Variants in MAN1A2 observed in about 807,000 individuals in gnomAD.
MAN1A2 encodes mannosidase alpha class 1A member 2, also known as mannosyl-oligosaccharide 1,2-alpha-mannosidase IB.
Under a neutral mutation model 75.7 loss-of-function variants are expected in MAN1A2, and 26 were observed. That is an observed-to-expected ratio of 0.34 (90% CI 0.25 to 0.48). MAN1A2 has a LOEUF of 0.48. MAN1A2 is among the 20% of genes least tolerant of loss of function. The pLI is 0.99. For synonymous variants in MAN1A2, 247 were observed against 264.6 expected (o/e 0.93, Z 0.65); for missense variants, 562 against 775.5 (o/e 0.72, Z 3.27).
At chr1:117,467,296 T>C (rs1271100821) in intron 8 of MAN1A2, among the ~76,000 whole-genome samples, 1 of 152,114 alleles carries the variant, frequency 6.6e-6, no homozygotes, top group Admixed American at 6.6e-5. Flanking sequence ...AAGTAGTAAA[T>C]AAGAGACAAA....
chr1:117,416,631 G>A (rs1648001194), intron 4 of MAN1A2, among the ~76,000 whole-genome samples: 1 of 152,026 alleles, frequency 6.6e-6, no homozygotes, highest in Non-Finnish European at 1.5e-5. Context: ...CAACTAATGG[G>A]GAACCAAAAA....
intron 6 of MAN1A2, among the ~76,000 whole-genome samples, chr1:117,460,154 A>G (rs893390744): frequency 2.6e-5 from 4 of 152,170 alleles, no homozygotes; most frequent in African/African-American, 7.2e-5. Flanking sequence ...AAGGAGGACA[A>G]TGAGCATATA....
At chr1:117,473,828 C>T (rs1419436162) in intron 8 of MAN1A2, among the ~76,000 whole-genome samples, 2 of 151,990 alleles carry the variant, frequency 1.3e-5, no homozygotes, top group African/African-American at 4.8e-5. Context: ...ATTTCTTCCA[C>T]CGAGTGGTCC....
chr1:117,526,941 A>T lies in MAN1A2; in HGVS notation c.*3984A>T. 6.9e-6 allele frequency: 1 copy of T among 144,908 alleles called. No homozygotes were observed. Among genetic ancestry groups the T allele is most frequent in the African/African-American group, 2.5e-5 (1 of 39,896 alleles). 9.0% of individuals were successfully genotyped at this position (144,908 alleles called of 1,614,324 possible). On this transcript the variant is annotated 3_prime_UTR_variant, in exon 13 of 13. Transcript: ENST00000356554. ...TATATGAGATATATGAGAGATCAAGATCTATATATGTATATAAATACAATT... is the reference window on the plus strand; with the variant it reads ...TATATGAGATATATGAGAGATCAAGTTCTATATATGTATATAAATACAATT...
In MAN1A2 at chr1:117,526,946, T is replaced by G. The variant is rs1292886508; in HGVS notation, c.*3989T>G. 3.4e-5 allele frequency: 5 copies of G among 145,556 alleles called. No individual in the cohort carries two copies. The highest frequency in any genetic ancestry group is 7.6e-5 in the Non-Finnish European group (5 of 66,190). 9.0% of individuals were successfully genotyped at this position (145,556 alleles called of 1,614,324 possible). A position where few individuals can be genotyped will look rare whatever the true frequency, so the allele number is the denominator to read the frequency against. ...GAGATATATGAGAGATCAAGATCTA[T>G]ATATGTATATAAATACAATTATACA... is the stretch of plus-strand genomic sequence containing the variant. On this transcript the variant is annotated 3_prime_UTR_variant, in exon 13 of 13. Transcript: ENST00000356554.
At chr1:117,489,477 T>A (rs1260603318) in intron 8 of MAN1A2, among the ~76,000 whole-genome samples, 2 of 152,080 alleles carry the variant, frequency 1.3e-5, no homozygotes, top group South Asian at 2.1e-4. Flanking sequence ...TATAAATTGA[T>A]GTTTCTTTTT....
intron 4 of MAN1A2, among the ~76,000 whole-genome samples, chr1:117,417,404 T>G (rs1178740751): frequency 6.6e-6 from 1 of 151,362 alleles, no homozygotes; most frequent in South Asian, 2.1e-4. Flanking sequence ...TATATTATGA[T>G]CATACTTTTC....
At chr1:117,458,504 T>TAG (rs1557959058) in intron 6 of MAN1A2, among the ~76,000 whole-genome samples, 1 of 101,826 alleles carries the variant, frequency 9.8e-6, no homozygotes, top group African/African-American at 4.4e-5. Flanking sequence ...TATCTATATA[T>TAG]ATATATAGAT....
chr1:117,455,359 T>C (rs1570757439), intron 6 of MAN1A2, among the ~76,000 whole-genome samples: 1 of 152,074 alleles, frequency 6.6e-6, no homozygotes, highest in Non-Finnish European at 1.5e-5. Context: ...AGGAAGTGTG[T>C]GTGTTGATTG....
intron 5 of MAN1A2, among the ~76,000 whole-genome samples, chr1:117,441,634 T>C (rs993703048): frequency 2.0e-5 from 3 of 152,186 alleles, no homozygotes; most frequent in Admixed American, 6.5e-5. Flanking sequence ...GTAGAAATTT[T>C]ACTATCTATA....
At chr1:117,429,446 C>A (rs541770553) in intron 5 of MAN1A2, among the ~76,000 whole-genome samples, 1,274 of 122,768 alleles carry the variant, frequency 0.01, 21 homozygotes, top group Middle Eastern at 0.017. Flanking sequence ...ACCCCCCCCA[C>A]CTCCCTCCCG....
At chr1:117,434,777 G>A (rs1238839125) in intron 5 of MAN1A2, among the ~76,000 whole-genome samples, 1 of 148,594 alleles carries the variant, frequency 6.7e-6, no homozygotes, top group Non-Finnish European at 1.5e-5. Flanking sequence ...GTGTGTGTGT[G>A]TGTGTGTGTG....
At chr1:117,404,395 A>G (rs966699883) in intron 2 of MAN1A2, among the ~76,000 whole-genome samples, 1 of 152,210 alleles carries the variant, frequency 6.6e-6, no homozygotes, top group African/African-American at 2.4e-5. Context: ...TTGGGTTGTA[A>G]GACACTCAGC....
intron 1 of MAN1A2, among the ~76,000 whole-genome samples, chr1:117,387,444 C>T (rs1470958336): frequency 6.6e-6 from 1 of 152,178 alleles, no homozygotes; most frequent in Non-Finnish European, 1.5e-5. Flanking sequence ...GTGGTGCTGA[C>T]AGTATGTGGT....
At chr1:117,498,819 C>G (rs1199406643) in intron 10 of MAN1A2, among the ~76,000 whole-genome samples, 1 of 151,804 alleles carries the variant, frequency 6.6e-6, no homozygotes, top group African/African-American at 2.4e-5. Flanking sequence ...TTTCTTATAG[C>G]TGTGCTATAA....
chr1:117,413,148 C>T (rs1021994736), intron 3 of MAN1A2, among the ~76,000 whole-genome samples: 2 of 151,730 alleles, frequency 1.3e-5, no homozygotes, highest in Non-Finnish European at 2.9e-5. Flanking sequence ...AGCTGAGGAA[C>T]GTAACAACAC....
intron 7 of MAN1A2, among the ~76,000 whole-genome samples, chr1:117,461,344 A>C (rs931016416): frequency 6.6e-6 from 1 of 152,154 alleles, no homozygotes; most frequent in East Asian, 1.9e-4. Context: ...GTGGGAGCTA[A>C]AATAAATTGA....
At chr1:117,405,403 A>G (rs1647583299) in intron 2 of MAN1A2, 146 bp from the exon 3 acceptor site, 2 of 624,752 alleles carry the variant, frequency 3.2e-6, no homozygotes, top group African/African-American at 1.9e-5. Flanking sequence ...ATGTTTTCAT[A>G]CTGATACAAA....
At chr1:117,399,377 T>TC (rs1183380599) in intron 1 of MAN1A2, among the ~76,000 whole-genome samples, 1 of 152,236 alleles carries the variant, frequency 6.6e-6, no homozygotes, top group African/African-American at 2.4e-5. Flanking sequence ...AAGCTTGTTT[T>TC]CCTGGGGCAA....
Sources: allele counts gnomAD v4.1 joint callset (sites outside exome capture counted in the v4.1 genomes callset), GRCh38; gene constraint gnomAD v4.1.1; transcripts MANE v1.5; gene names NCBI Gene and HGNC (gene_info 2026-07-23, HGNC 2026-07-21).